CACNG3: variants seen among roughly 807,000 people sequenced by gnomAD.
The protein encoded by CACNG3 is calcium voltage-gated channel auxiliary subunit gamma 3, also known as voltage-dependent calcium channel gamma-3 subunit.
Under a neutral mutation model 28.5 loss-of-function variants are expected in CACNG3, and 3 were observed. The observed-to-expected ratio is 0.11, with a 90% confidence interval of 0.05 to 0.27. CACNG3 has a LOEUF of 0.27. Among genes scored for constraint, CACNG3 ranks in the 10% least tolerant of loss-of-function variants. The probability of loss-of-function intolerance (pLI) is 1.00; values close to 1 mark genes in which losing one functional copy is unlikely to be tolerated. For synonymous variants in CACNG3, 174 were observed against 162.2 expected (o/e 1.07, Z -0.55); for missense variants, 236 against 414.4 (o/e 0.57, Z 3.74).
Position 24,256,702 on chromosome 16 carries a change from G to C in CACNG3, c.-53G>C. ...CGGCTGCAGAGTGATTTTCCCCTCC[G>C]GCACTGACTCTCCCCCTCCAACCCC... is the stretch of plus-strand genomic sequence containing the variant. On this transcript the variant is annotated 5_prime_UTR_variant, in exon 1 of 4. Transcript: ENST00000005284. This position sits in a 1 kb window ranked among gnomAD's most constrained non-coding sequence, Gnocchi z 4.6. The C allele has an allele frequency of 8.2e-7, 1 of 1,216,882 alleles. No individual in the cohort carries two copies. The highest frequency in any genetic ancestry group is 2.3e-5 in the East Asian group (1 of 43,078). The allele number at this position is 1,216,882 out of a possible 1,614,324, so 75.4% of individuals were successfully genotyped here.
Position 24,315,801 on chromosome 16 carries a change from G to A in CACNG3, c.212-30933G>A, listed in dbSNP as rs75139004. Among the ~76,000 whole-genome samples, 880 of 152,128 alleles carry A rather than the reference G, an allele frequency of 5.8e-3. 9 individuals are homozygous for A. Among genetic ancestry groups the A allele is most frequent in the African/African-American group, 0.02 (836 of 41,508 alleles). On this transcript the variant is annotated intron_variant, in intron 1 of 3. Transcript: ENST00000005284. Reference sequence around the variant, plus strand: ...AGTCTCCCAAGTAGCTGGGATTACAGGCATCCACTACAATGCCCAGCTAAT... The same window carrying A: ...AGTCTCCCAAGTAGCTGGGATTACAAGCATCCACTACAATGCCCAGCTAAT...
rs902616086 is a variant in CACNG3 at position 24,298,000 on chromosome 16, T to C, written c.211+41035T>C. Among the ~76,000 whole-genome samples the C allele has an allele frequency of 9.5e-4, 144 of 151,858 alleles. 1 individual carries two copies. Among genetic ancestry groups the C allele is most frequent in the African/African-American group, 2.7e-3 (111 of 41,416 alleles). On this transcript the variant is annotated intron_variant, in intron 1 of 3. Transcript: ENST00000005284. ...TTTTCAAAAGATCTGTGTGTGTGTG[T>C]GTGTGTGTGTGTGTGTGTGTGTAAT...
In CACNG3 at chr16:24,359,413, C is replaced by T. The variant is rs1231997844; in HGVS notation, c.437-1939C>T. ...CTGACACAGAGCTGGATGTGTCAAACCCCATAATAAGAAATAGCTCAGTGA... is the reference window on the plus strand; with the variant it reads ...CTGACACAGAGCTGGATGTGTCAAATCCCATAATAAGAAATAGCTCAGTGA... On this transcript the variant is annotated intron_variant, in intron 3 of 3. Transcript: ENST00000005284. Among the ~76,000 whole-genome samples the T allele has an allele frequency of 3.9e-5, 6 of 152,092 alleles. No homozygotes were observed. In the East Asian group the frequency reaches 9.6e-4, roughly 24 times the overall value.
intron 1 of CACNG3, among the ~76,000 whole-genome samples, chr16:24,321,507 T>A (rs565186088): frequency 6.6e-6 from 1 of 152,266 alleles, no homozygotes; most frequent in South Asian, 2.1e-4. Context: ...GGTTATCAGA[T>A]GGATTGTGTT....
intron 2 of CACNG3, among the ~76,000 whole-genome samples, chr16:24,347,357 TGAGAAAGAGAAA>T (rs201110222): frequency 0.011 from 1,621 of 149,944 alleles, 18 homozygotes; most frequent in Non-Finnish European, 0.018. Flanking sequence ...AGAATGAGAA[TGAGAAAGAGAAA>T]GAGAAAGAGA....
chr16:24,345,509 T>C (rs1197105799), intron 1 of CACNG3, among the ~76,000 whole-genome samples: 2 of 152,090 alleles, frequency 1.3e-5, no homozygotes, highest in African/African-American at 4.8e-5. Flanking sequence ...GAGATCAGCC[T>C]GGTCAACATG....
At chr16:24,268,175 G>C (rs909596371) in intron 1 of CACNG3, among the ~76,000 whole-genome samples, 5 of 152,186 alleles carry the variant, frequency 3.3e-5, no homozygotes, top group African/African-American at 1.2e-4. Flanking sequence ...ACCTTCTTCT[G>C]TTTCTCATTA....
chr16:24,285,840 C>CTTT (rs1160946894), intron 1 of CACNG3, among the ~76,000 whole-genome samples: 20 of 120,868 alleles, frequency 1.7e-4, no homozygotes, highest in African/African-American at 6.6e-4. Context: ...TTTTTTCTTT[C>CTTT]TTTTCTTTTT....
At chr16:24,355,485 A>G (rs932618536) in intron 3 of CACNG3, among the ~76,000 whole-genome samples, 3 of 152,110 alleles carry the variant, frequency 2.0e-5, no homozygotes, top group African/African-American at 7.2e-5. Flanking sequence ...CAGGAAGCTG[A>G]GGTGGGGGGA....
At chr16:24,311,549 C>T (rs1245425577) in intron 1 of CACNG3, among the ~76,000 whole-genome samples, 1 of 148,742 alleles carries the variant, frequency 6.7e-6, no homozygotes, top group East Asian at 2.0e-4. Flanking sequence ...AAAGCTTTTA[C>T]AGTATGTGAT....
At chr16:24,349,670 G>A (rs985536286) in intron 2 of CACNG3, among the ~76,000 whole-genome samples, 1 of 152,166 alleles carries the variant, frequency 6.6e-6, no homozygotes, top group African/African-American at 2.4e-5. Flanking sequence ...CAGTGAGGAC[G>A]ACCAGAGGTC....
At chr16:24,283,191 T>C (rs2141352129) in intron 1 of CACNG3, among the ~76,000 whole-genome samples, 1 of 152,258 alleles carries the variant, frequency 6.6e-6, no homozygotes, top group Admixed American at 6.5e-5. Flanking sequence ...ACATCTGAGT[T>C]CTTATCATTT....
chr16:24,294,386 C>T lies in CACNG3; in HGVS notation c.211+37421C>T, dbSNP rs188405908. ...CCCCAGCCGCTGTTCATTAATGCTG[C>T]CCATGGGCTGAGGGAGAAATCTGTC... On this transcript the variant is annotated intron_variant, in intron 1 of 3. Coordinates refer to ENST00000005284, the MANE Select transcript of CACNG3 (RefSeq NM_006539.4). 2.6e-5 allele frequency among the ~76,000 whole-genome samples: 4 copies of T among 152,244 alleles called. 1 individual carries two copies. Among genetic ancestry groups the T allele is most frequent in the African/African-American group, 9.6e-5 (4 of 41,546 alleles).
chr16:24,274,327 G>T (rs1272486648), intron 1 of CACNG3, among the ~76,000 whole-genome samples: 1 of 152,110 alleles, frequency 6.6e-6, no homozygotes, highest in East Asian at 1.9e-4. Flanking sequence ...CCTATAAAAA[G>T]GGGGGATTGT....
At chr16:24,346,628 C>A in intron 1 of CACNG3, 106 bp from the exon 2 acceptor site, 1 of 745,562 alleles carries the variant, frequency 1.3e-6, no homozygotes, top group South Asian at 1.6e-5. Flanking sequence ...AACCCTACAG[C>A]CCCCAACAAC....
intron 1 of CACNG3, among the ~76,000 whole-genome samples, chr16:24,328,442 GA>G (rs1181463842): frequency 6.7e-6 from 1 of 150,046 alleles, no homozygotes; most frequent in African/African-American, 2.5e-5. Flanking sequence ...CATCCAACAA[GA>G]AGTTGCCCAA....
chr16:24,287,423 C>T (rs1048712849), intron 1 of CACNG3, among the ~76,000 whole-genome samples: 2 of 143,274 alleles, frequency 1.4e-5, no homozygotes, highest in African/African-American at 2.6e-5. Flanking sequence ...GAGGCTGAGG[C>T]ATGAGAATCA....
At chr16:24,313,462 T>C (rs886908526) in intron 1 of CACNG3, among the ~76,000 whole-genome samples, 3 of 152,224 alleles carry the variant, frequency 2.0e-5, no homozygotes, top group African/African-American at 7.2e-5. Flanking sequence ...ACTTTTATGT[T>C]TTTGATTTTT....
chr16:24,350,710 A>G (rs775560448), intron 2 of CACNG3, among the ~76,000 whole-genome samples: 1 of 152,206 alleles, frequency 6.6e-6, no homozygotes, highest in Non-Finnish European at 1.5e-5. Context: ...TTTAAAAGGT[A>G]TTCACTTTTT....
Sources: allele counts gnomAD v4.1 joint callset (sites outside exome capture counted in the v4.1 genomes callset), GRCh38; gene constraint gnomAD v4.1.1; non-coding constraint Gnocchi (gnomAD v3.1); transcripts MANE v1.5; gene names NCBI Gene and HGNC (gene_info 2026-07-23, HGNC 2026-07-21).